Variants in SHISA9 observed in about 807,000 individuals in gnomAD.
SHISA9 encodes the protein protein shisa-9.
In SHISA9, 13 loss-of-function variants were observed where a neutral mutation model predicts 38.0. The ratio of observed to expected loss-of-function variants is 0.34; its 90% CI spans 0.22 to 0.54. The LOEUF is 0.54. Ranked by LOEUF, SHISA9 falls within the 20% of genes least tolerant of loss-of-function variation. SHISA9 has a pLI of 0.91. For missense variants in SHISA9, 538 were observed against 575.8 expected (o/e 0.93, Z 0.67); for synonymous variants, 275 against 242.0 (o/e 1.14, Z -1.27).
chr16:12,968,752 T>TGTG (rs1421613138), intron 2 of SHISA9, among the ~76,000 whole-genome samples: 3 of 152,144 alleles, frequency 2.0e-5, no homozygotes, highest in African/African-American at 7.2e-5. Flanking sequence ...ATTTTAGGCT[T>TGTG]GTGAGTGATG....
rs2073942747 is a variant in SHISA9 at position 13,107,913 on chromosome 16, A to G, written c.692-95481A>G. 2.0e-5 allele frequency among the ~76,000 whole-genome samples: 3 copies of G among 152,276 alleles called. No individual in the cohort carries two copies. The South Asian group carries it at 6.2e-4, about 32-fold the overall frequency. On this transcript the variant is annotated intron_variant, in intron 2 of 4. Coordinates refer to ENST00000558583, the MANE Select transcript of SHISA9 (RefSeq NM_001145204.3). The stretch of plus-strand genomic sequence containing the variant: ...AATTGGGGTCTAGTCTGGTGTAGCA[A>G]AAGCCTTACACATAGTAAGTCCTAT...
chr16:12,910,857 C>T (rs1411835969), intron 1 of SHISA9: 4 of 498,862 alleles, frequency 8.0e-6, no homozygotes, highest in Non-Finnish European at 1.0e-5. Flanking sequence ...CAGGAGAATT[C>T]TCTCTTTTTG....
At chr16:13,115,846 C>T (rs1477872430) in intron 2 of SHISA9, among the ~76,000 whole-genome samples, 3 of 152,244 alleles carry the variant, frequency 2.0e-5, no homozygotes, top group Non-Finnish European at 2.9e-5. Flanking sequence ...TTCCTTCCAA[C>T]ACTGACTATC....
chr16:13,545,947 GGAT>G, the SHISA9 span, among the ~76,000 whole-genome samples: 109 of 152,200 alleles, frequency 7.2e-4, no homozygotes, highest in African/African-American at 2.5e-3. Flanking sequence ...TTTGAGAGAG[GGAT>G]GATTTCTTGC....
the SHISA9 span, among the ~76,000 whole-genome samples, chr16:13,491,138 A>G: frequency 6.6e-6 from 1 of 152,242 alleles, no homozygotes; most frequent in Non-Finnish European, 1.5e-5. Flanking sequence ...AAGATGCATT[A>G]ACAGACTTGC....
intron 2 of SHISA9, among the ~76,000 whole-genome samples, chr16:13,161,242 G>T (rs1417417741): frequency 6.6e-6 from 1 of 152,142 alleles, no homozygotes; most frequent in African/African-American, 2.4e-5. Flanking sequence ...GTCAAAAGGC[G>T]TGGTGAGCCC....
intron 2 of SHISA9, among the ~76,000 whole-genome samples, chr16:13,089,705 A>T (rs2073753170): frequency 6.6e-6 from 1 of 152,164 alleles, no homozygotes; most frequent in Admixed American, 6.5e-5. Flanking sequence ...CTTCTTTATT[A>T]GTCTTGCTAG....
At chr16:12,952,490 C>A (rs2141777893) in intron 2 of SHISA9, among the ~76,000 whole-genome samples, 1 of 152,300 alleles carries the variant, frequency 6.6e-6, no homozygotes, top group African/African-American at 2.4e-5. Context: ...TCAGAATTGA[C>A]ATCATCTGAT....
At chr16:13,183,463 A>AT (rs1393338150) in intron 2 of SHISA9, among the ~76,000 whole-genome samples, 1 of 152,236 alleles carries the variant, frequency 6.6e-6, no homozygotes, top group Admixed American at 6.5e-5. Flanking sequence ...AGCTTCGCTG[A>AT]TTTTCGTAAG....
At chr16:13,385,645 CCA>C in the SHISA9 span, among the ~76,000 whole-genome samples, 2 of 84,438 alleles carry the variant, frequency 2.4e-5, no homozygotes, top group Admixed American at 1.3e-4. Flanking sequence ...TATATCCATA[CCA>C]TGAAATAGTA....
the SHISA9 span, among the ~76,000 whole-genome samples, chr16:13,394,663 G>T: frequency 2.0e-5 from 3 of 152,102 alleles, no homozygotes; most frequent in Admixed American, 1.3e-4. Flanking sequence ...AAACACTAAT[G>T]GCCCTGCAAT....
the SHISA9 span, among the ~76,000 whole-genome samples, chr16:13,470,636 T>C: frequency 6.6e-6 from 1 of 152,132 alleles, no homozygotes; most frequent in Admixed American, 6.5e-5. Context: ...TATGGCCCCA[T>C]CCTTGGCACA....
chr16:13,130,570 A>G (rs2050297819), intron 2 of SHISA9, among the ~76,000 whole-genome samples: 2 of 152,226 alleles, frequency 1.3e-5, no homozygotes, highest in Admixed American at 1.3e-4. Context: ...AGTGTAGTAT[A>G]TAACACAGGT....
chr16:13,227,984 G>A (rs1483968952), intron 4 of SHISA9, among the ~76,000 whole-genome samples: 2 of 152,178 alleles, frequency 1.3e-5, no homozygotes, highest in Non-Finnish European at 2.9e-5. Context: ...CAGGGAATAG[G>A]TAAAATATAG....
At chr16:13,249,391 C>G in the SHISA9 span, among the ~76,000 whole-genome samples, 1 of 152,138 alleles carries the variant, frequency 6.6e-6, no homozygotes, top group Admixed American at 6.5e-5. Flanking sequence ...GATTTTCTTA[C>G]GTTTAAAATA....
chr16:13,349,002 C>G, the SHISA9 span, among the ~76,000 whole-genome samples: 2 of 152,114 alleles, frequency 1.3e-5, no homozygotes, highest in Non-Finnish European at 2.9e-5. Flanking sequence ...CACACACCCA[C>G]TCTTGACATT....
At chr16:13,019,693 G>C (rs1351307986) in intron 2 of SHISA9, among the ~76,000 whole-genome samples, 3 of 151,722 alleles carry the variant, frequency 2.0e-5, no homozygotes, top group Non-Finnish European at 4.4e-5. Context: ...TTGTCGTATA[G>C]ATTACTTCAT....
intron 2 of SHISA9, among the ~76,000 whole-genome samples, chr16:13,160,793 A>T (rs901773470): frequency 6.6e-6 from 1 of 152,208 alleles, no homozygotes; most frequent in African/African-American, 2.4e-5. Context: ...CTTCTGCTAG[A>T]AACATGCCCA....
At chr16:13,547,266 A>G in the SHISA9 span, among the ~76,000 whole-genome samples, 6 of 152,226 alleles carry the variant, frequency 3.9e-5, no homozygotes, top group East Asian at 1.2e-3. Flanking sequence ...GATTGAAGAT[A>G]AAGATGTAAG....
Sources: gnomAD v4.1 joint callset for allele counts (sites outside exome capture counted in the v4.1 genomes callset) on GRCh38, gnomAD v4.1.1 for gene constraint, MANE v1.5 for transcripts, NCBI Gene and HGNC (gene_info 2026-07-23, HGNC 2026-07-21) for gene names.